The following PCDHGA6 variants were observed in gnomAD, a reference collection of about 807,000 sequenced individuals.
The protein encoded by PCDHGA6 is protocadherin gamma subfamily A, 6.
Under a neutral mutation model 60.6 loss-of-function variants are expected in PCDHGA6, and 41 were observed. The ratio of observed to expected loss-of-function variants is 0.68; its 90% CI spans 0.53 to 0.88. The LOEUF is 0.88. PCDHGA6 is among the 40% of genes least tolerant of loss of function. The pLI, the probability that PCDHGA6 is intolerant of heterozygous loss-of-function variation, is 0.00. For synonymous variants in PCDHGA6, 594 were observed against 524.4 expected (o/e 1.13, Z -1.81); for missense variants, 1,312 against 1,203.0 (o/e 1.09, Z -1.34).
chr5:141,496,876 A>G (rs964149656), intron 2 of PCDHGA6, among the ~76,000 whole-genome samples: 1 of 149,154 alleles, frequency 6.7e-6, no homozygotes, highest in African/African-American at 2.5e-5. Flanking sequence ...AAAATTTGCA[A>G]CAAGTAACAC....
chr5:141,375,241 C>G lies in PCDHGA6; in HGVS notation c.1158C>G (p.Ile386Met), dbSNP rs774856817. The G allele has an allele frequency of 1.2e-5, 20 of 1,613,942 alleles. No individual in the cohort carries two copies. Among genetic ancestry groups the G allele is most frequent in the Non-Finnish European group, 1.7e-5 (20 of 1,179,896 alleles). ...TGAATGGCCTGGTAACCTGTTCCATCCCGAGAAGTCTCCCATTTGAATTGG... is the reference window on the plus strand; with the variant it reads ...TGAATGGCCTGGTAACCTGTTCCATGCCGAGAAGTCTCCCATTTGAATTGG... ...SGLNGLVTCS[I>M]PRSLPFELEK... is the part of the protein sequence containing the mutation. Residue 386 changes from isoleucine (I) to methionine (M), a missense_variant, in exon 1 of 4, where the codon ATC becomes ATG. By Grantham distance (10) the Ile-to-Met change is conservative. Transcript: ENST00000517434.
rs1229317913 is a variant in PCDHGA6 at position 141,489,752 on chromosome 5, C to T, written c.2425-5055C>T. ...GGCACCAATACTGTGAGCTTTTACACTCTAAGCCCCAACAGCCACTTCTCT... is the reference window on the plus strand; with the variant it reads ...GGCACCAATACTGTGAGCTTTTACATTCTAAGCCCCAACAGCCACTTCTCT... On this transcript the variant is annotated intron_variant, in intron 1 of 3. Transcript: ENST00000517434. The surrounding 1 kb of genome is among the most constrained non-coding windows in gnomAD (Gnocchi z 4.5). 1.2e-6 allele frequency: 2 copies of T among 1,614,018 alleles called. No individual in the cohort carries two copies. Among genetic ancestry groups the T allele is most frequent in the Non-Finnish European group, 1.7e-6 (2 of 1,179,980 alleles).
chr5:141,498,294 G>A (rs2099782964), intron 2 of PCDHGA6, among the ~76,000 whole-genome samples: 1 of 151,910 alleles, frequency 6.6e-6, no homozygotes, highest in African/African-American at 2.4e-5. Flanking sequence ...GATCAAGCCA[G>A]CTCTGGGTCA....
In PCDHGA6 at chr5:141,489,372, G is replaced by A. The variant is rs1335356378; in HGVS notation, c.2425-5435G>A. 2 of 1,613,814 alleles carry A rather than the reference G, an allele frequency of 1.2e-6. No individual in the cohort carries two copies. Among genetic ancestry groups the A allele is most frequent in the Non-Finnish European group, 1.7e-6 (2 of 1,179,700 alleles). On this transcript the variant is annotated intron_variant, in intron 1 of 3. Transcript: ENST00000517434. The surrounding 1 kb of genome is among the most constrained non-coding windows in gnomAD (Gnocchi z 4.5). ...TGGAGGAGTCTGAGCCGGGGACGCT[G>A]GTGGGGAATGTTGCTCAGGATCTGG...
Position 141,390,222 on chromosome 5 carries a change from G to A in PCDHGA6, c.2424+13715G>A, listed in dbSNP as rs758225583. The A allele has an allele frequency of 1.1e-5, 18 of 1,613,904 alleles. 1 individual carries two copies. In the Middle Eastern group the frequency reaches 9.9e-4, roughly 88 times the overall value. ...GAGTTCAGGACAAGACATACTTTGC[G>A]GTGATTCATCTGGGGCCTTATTTCC... On this transcript the variant is annotated intron_variant, in intron 1 of 3. Transcript: ENST00000517434.
chr5:141,435,922 G>A (rs1312886163), intron 1 of PCDHGA6, among the ~76,000 whole-genome samples: 1 of 152,070 alleles, frequency 6.6e-6, no homozygotes, highest in Non-Finnish European at 1.5e-5. Context: ...TCTAAAATGC[G>A]GCAGTTGCTG....
chr5:141,489,246 G>A lies in PCDHGA6; in HGVS notation c.2425-5561G>A, dbSNP rs141115698. On this transcript the variant is annotated intron_variant, in intron 1 of 3. Coordinates refer to ENST00000517434, the MANE Select transcript of PCDHGA6 (RefSeq NM_018919.3). The surrounding 1 kb of genome is among the most constrained non-coding windows in gnomAD (Gnocchi z 4.5). Reference sequence around the variant, plus strand: ...CACAAAGGGACTTCTGGGTCATGGGGCCCAAGACACTCCCACAGCTCGCTG... The same window carrying A: ...CACAAAGGGACTTCTGGGTCATGGGACCCAAGACACTCCCACAGCTCGCTG... 750 of 1,544,746 alleles carry A rather than the reference G, an allele frequency of 4.9e-4. No homozygotes were observed. The highest frequency in any genetic ancestry group is 6.3e-4 in the Non-Finnish European group (726 of 1,145,538).
chr5:141,410,553 C>T, intron 1 of PCDHGA6: 1 of 1,613,232 alleles, frequency 6.2e-7, no homozygotes. Context: ...TGCAGTGTTT[C>T]TCCTGGAGCC....
chr5:141,398,597 C>A (rs986852077), intron 1 of PCDHGA6: 4 of 1,614,006 alleles, frequency 2.5e-6, no homozygotes, highest in Non-Finnish European at 3.4e-6. Flanking sequence ...CTAGAAGTAG[C>A]AGAAGATGCA....
At chr5:141,376,685 T>TTTTGTTTTG (rs945381584) in intron 1 of PCDHGA6, 178 bp downstream of exon 1, 1 of 813,646 alleles carries the variant, frequency 1.2e-6, no homozygotes, top group African/African-American at 1.9e-5. Flanking sequence ...CGTTTTTTTT[T>TTTTGTTTTG]TTTTTTTTTT....
At chr5:141,404,080 C>T (rs369802030) in intron 1 of PCDHGA6, 6 of 1,613,516 alleles carry the variant, frequency 3.7e-6, no homozygotes, top group Non-Finnish European at 4.2e-6. Context: ...ACCGAGACTC[C>T]GGGAAGAATG....
In PCDHGA6 at chr5:141,398,664, A is replaced by G. The variant is rs762356100; in HGVS notation, c.2424+22157A>G. The G allele has an allele frequency of 4.3e-6, 7 of 1,612,604 alleles. No individual in the cohort carries two copies. In the East Asian group the frequency reaches 8.9e-5, roughly 21 times the overall value. ...AACTCTCTCTTAACCCAAGTTTCTC[A>G]TTAATAATTAAGGAGAAACAGGATG... On this transcript the variant is annotated intron_variant, in intron 1 of 3. Transcript: ENST00000517434.
chr5:141,501,130 G>A (rs528942194), intron 2 of PCDHGA6, among the ~76,000 whole-genome samples: 5 of 152,100 alleles, frequency 3.3e-5, no homozygotes, highest in African/African-American at 4.8e-5. Flanking sequence ...GCCTCCCTAA[G>A]TGCTGGGATT....
At chr5:141,397,277 C>A (rs920366365) in intron 1 of PCDHGA6, among the ~76,000 whole-genome samples, 1 of 151,970 alleles carries the variant, frequency 6.6e-6, no homozygotes. Flanking sequence ...ATCATATGGG[C>A]AGTATACTTG....
At chr5:141,475,132 T>C (rs563015610) in intron 1 of PCDHGA6, among the ~76,000 whole-genome samples, 14 of 152,322 alleles carry the variant, frequency 9.2e-5, no homozygotes, top group African/African-American at 2.6e-4. Context: ...TTTTTTCTTT[T>C]TGAAATCTTC....
rs1396744157 is a variant in PCDHGA6 at position 141,432,439 on chromosome 5, C to G, written c.2424+55932C>G. 22 of 1,614,108 alleles carry G rather than the reference C, an allele frequency of 1.4e-5. No individual in the cohort carries two copies. The highest frequency in any genetic ancestry group is 1.7e-5 in the Non-Finnish European group (20 of 1,180,052). On this transcript the variant is annotated intron_variant, in intron 1 of 3. Coordinates refer to ENST00000517434, the MANE Select transcript of PCDHGA6 (RefSeq NM_018919.3). This position sits in a 1 kb window ranked among gnomAD's most constrained non-coding sequence, Gnocchi z 6.0. ...TGCTGGACCAGAACGACAATGCGCCCGAGATCCTGTACCCCGCCCTCCCCA... is the reference window on the plus strand; with the variant it reads ...TGCTGGACCAGAACGACAATGCGCCGGAGATCCTGTACCCCGCCCTCCCCA...
Position 141,477,114 on chromosome 5 carries a change from G to C in PCDHGA6, c.2425-17693G>C. ...AAAGACAAGGGCGCCAATCCCGAAG[G>C]AGCACATTGCAAAGTGTTGGTGGAG... is the stretch of plus-strand genomic sequence containing the variant. On this transcript the variant is annotated intron_variant, in intron 1 of 3. Coordinates refer to ENST00000517434, the MANE Select transcript of PCDHGA6 (RefSeq NM_018919.3). This position sits in a 1 kb window ranked among gnomAD's most constrained non-coding sequence, Gnocchi z 4.9. 4.3e-6 allele frequency: 7 copies of C among 1,614,234 alleles called. No homozygotes were observed. Among genetic ancestry groups the C allele is most frequent in the Non-Finnish European group, 5.9e-6 (7 of 1,180,046 alleles).
chr5:141,382,126 C>G (rs1360934225), intron 1 of PCDHGA6, among the ~76,000 whole-genome samples: 1 of 151,958 alleles, frequency 6.6e-6, no homozygotes, highest in African/African-American at 2.4e-5. Context: ...CAGCACCTGG[C>G]CCCCCCTCTC....
intron 1 of PCDHGA6, chr5:141,390,223 G>A (rs137959577): frequency 3.7e-6 from 6 of 1,614,020 alleles, no homozygotes; most frequent in East Asian, 2.2e-5. Context: ...ATACTTTGCG[G>A]TGATTCATCT....
Sources: allele counts gnomAD v4.1 joint callset (sites outside exome capture counted in the v4.1 genomes callset), GRCh38; gene constraint gnomAD v4.1.1; non-coding constraint Gnocchi (gnomAD v3.1); transcripts MANE v1.5; gene names NCBI Gene and HGNC (gene_info 2026-07-23, HGNC 2026-07-21).